PCDHA8: variants seen among roughly 807,000 people sequenced by gnomAD.
The protein encoded by PCDHA8 is protocadherin alpha-8.
PCDHA8 carries 53 observed loss-of-function variants against 61.8 expected under a neutral mutation model. That is an observed-to-expected ratio of 0.86 (90% confidence interval 0.69 to 1.08). PCDHA8 has a LOEUF of 1.08. Among genes scored for constraint, PCDHA8 ranks in the 50% least tolerant of loss-of-function variants. The pLI is 0.00. For missense variants in PCDHA8, 1,293 were observed against 1,245.0 expected, an observed-to-expected ratio of 1.04 and a Z score of -0.58; for synonymous variants, 618 against 556.6, an observed-to-expected ratio of 1.11 and a Z score of -1.55.
rs182063339 is a variant in PCDHA8 at position 140,937,439 on chromosome 5, T to C, written c.2395-41510T>C. Among the ~76,000 whole-genome samples, 830 of 152,312 alleles carry C rather than the reference T, an allele frequency of 5.4e-3. 3 individuals are homozygous for C. The highest frequency in any genetic ancestry group is 0.019 in the African/African-American group (799 of 41,586). Reference sequence around the variant, plus strand: ...TAGATAGCTGATATTTTAATGCTATTTTAAAAGTTTAATTTTATAATACAA... The same window carrying C: ...TAGATAGCTGATATTTTAATGCTATCTTAAAAGTTTAATTTTATAATACAA... On this transcript the variant is annotated intron_variant, in intron 1 of 3. Coordinates refer to ENST00000531613, the MANE Select transcript of PCDHA8 (RefSeq NM_018911.3).
chr5:140,943,804 G>C (rs996208541), intron 1 of PCDHA8, among the ~76,000 whole-genome samples: 2 of 152,224 alleles, frequency 1.3e-5, no homozygotes, highest in Non-Finnish European at 2.9e-5. Flanking sequence ...AGCAAAAGAG[G>C]AAAGTTTGAA....
rs2150463409 is a variant in PCDHA8 at position 140,850,016 on chromosome 5, C to G, written c.2394+6301C>G. On this transcript the variant is annotated intron_variant, in intron 1 of 3. Transcript: ENST00000531613. ...TGGGCGAGCGCTCGCTGTCGAGCTA[C>G]GTGTCAGTGCACGCGGAGAGCGGCA... The G allele has an allele frequency of 2.5e-5, 40 of 1,596,912 alleles. 3 individuals are homozygous for G. The South Asian group carries it at 4.1e-4, about 16-fold the overall frequency.
intron 1 of PCDHA8, among the ~76,000 whole-genome samples, chr5:140,938,848 G>T (rs1554212426): frequency 6.6e-6 from 1 of 151,980 alleles, no homozygotes; most frequent in Non-Finnish European, 1.5e-5. Flanking sequence ...ACCTGCCCAT[G>T]TACCCCTGAA....
chr5:140,883,557 G>C, intron 1 of PCDHA8: 1 of 1,614,214 alleles, frequency 6.2e-7, no homozygotes, highest in Non-Finnish European at 8.5e-7. Flanking sequence ...GCGCGGGACG[G>C]GGGCTCGCCT....
chr5:140,932,991 C>T (rs2088784414), intron 1 of PCDHA8, among the ~76,000 whole-genome samples: 1 of 151,940 alleles, frequency 6.6e-6, no homozygotes, highest in African/African-American at 2.4e-5. Context: ...AAATGCATGT[C>T]ATATGAATAT....
chr5:140,895,857 G>C (rs1181424868), intron 1 of PCDHA8, among the ~76,000 whole-genome samples: 1 of 152,116 alleles, frequency 6.6e-6, no homozygotes, highest in Admixed American at 6.5e-5. Flanking sequence ...TGTACCCCAG[G>C]CTGGAGTGCA....
chr5:140,924,909 AATAAAAT>A (rs1563069072), intron 1 of PCDHA8, among the ~76,000 whole-genome samples: 5 of 66,374 alleles, frequency 7.5e-5, no homozygotes, highest in African/African-American at 2.5e-4. Context: ...AAAAAAATAA[AATAAAAT>A]AAAATAAAAT....
At chr5:140,860,689 G>A (rs1478164991) in intron 1 of PCDHA8, 3 of 152,174 alleles carry the variant, frequency 2.0e-5, no homozygotes, top group African/African-American at 7.2e-5. Flanking sequence ...TGTTTTGAGC[G>A]ACAGGATATT....
At chr5:140,871,438 C>G (rs1246532449) in intron 1 of PCDHA8, 3 of 1,611,836 alleles carry the variant, frequency 1.9e-6, no homozygotes, top group Middle Eastern at 1.7e-4. Flanking sequence ...TCCTCTAGGT[C>G]TGAATAAAGA....
rs1778125962 is a variant in PCDHA8, at chr5:140,842,600, G to C, written c.1279G>C (p.Ala427Pro). The C allele has an allele frequency of 6.5e-7, 1 of 1,543,982 alleles. No individual in the cohort carries two copies. ...RVSAYELVVT[A>P]RDGGSPSLWA... Reference sequence around the variant, plus strand: ...GTCGGCCTATGAGTTGGTGGTAACCGCGCGGGACGGGGGCTCGCCTTCGCT... The same window carrying C: ...GTCGGCCTATGAGTTGGTGGTAACCCCGCGGGACGGGGGCTCGCCTTCGCT... The change falls in exon 1 of 4, where the codon GCG becomes CCG. Residue 427 changes from alanine (A) to proline (P), a missense_variant. Transcript: ENST00000531613.
chr5:140,861,339 C>A lies in PCDHA8; in HGVS notation c.2394+17624C>A. ...TTCCACTACACCATCCTGGAAGAGG[C>A]CAAGGACGGCACATAGCGTCTTCGC... On this transcript the variant is annotated intron_variant, in intron 1 of 3. Transcript: ENST00000531613. 4 of 274,788 alleles carry A rather than the reference C, an allele frequency of 1.5e-5. No homozygotes were observed. The South Asian group carries it at 1.7e-4, about 12-fold the overall frequency. The allele number at this position is 274,788 out of a possible 1,614,324, so 17.0% of individuals were successfully genotyped here.
At position 140,850,257 on chromosome 5, in the gene PCDHA8, G is replaced by A. The variant is rs1371110095; in HGVS notation, c.2394+6542G>A. ...GATGGTGCTGCGGTCGGTGGGCGCC[G>A]GCGTAGTGGTGGGGAAGGTGCGCGC... On this transcript the variant is annotated intron_variant, in intron 1 of 3. Coordinates refer to ENST00000531613, the MANE Select transcript of PCDHA8 (RefSeq NM_018911.3). The A allele has an allele frequency of 6.3e-6, 10 of 1,594,146 alleles. 2 individuals are homozygous for A. Among genetic ancestry groups the A allele is most frequent in the African/African-American group, 1.3e-5 (1 of 74,268 alleles).
Position 140,842,856 on chromosome 5 carries a change from C to T in PCDHA8, c.1535C>T (p.Thr512Met), listed in dbSNP as rs782295377. The T allele has an allele frequency of 6.3e-7, 1 of 1,593,922 alleles. No individual in the cohort carries two copies. Among genetic ancestry groups the T allele is most frequent in the African/African-American group, 1.3e-5 (1 of 74,360 alleles). ...RSLSSYISVH[T>M]ESGKVYALQP... is the part of the protein sequence containing the mutation. ...CTGTCGAGCTACATTTCGGTGCACA[C>T]GGAGAGCGGCAAGGTGTACGCGCTG... The change falls in exon 1 of 4, where the codon ACG becomes ATG. Residue 512 changes from threonine to methionine, a missense_variant. By Grantham distance (81) the Thr-to-Met change is moderately conservative (BLOSUM62 -1). Transcript: ENST00000531613.
At chr5:140,911,283 A>G (rs906069835) in intron 1 of PCDHA8, among the ~76,000 whole-genome samples, 1 of 152,278 alleles carries the variant, frequency 6.6e-6, no homozygotes, top group Non-Finnish European at 1.5e-5. Context: ...CAGCTTCATC[A>G]GGGTCCTTTT....
At chr5:141,008,211 G>A (rs1032443788) in intron 3 of PCDHA8, among the ~76,000 whole-genome samples, 6 of 152,168 alleles carry the variant, frequency 3.9e-5, no homozygotes, top group Admixed American at 2.0e-4. Context: ...AACTTGACAT[G>A]AGTTATGTTA....
At chr5:140,884,679 A>C (rs782535862) in intron 1 of PCDHA8, 12 of 1,551,914 alleles carry the variant, frequency 7.7e-6, no homozygotes, top group Non-Finnish European at 8.7e-6. Context: ...TTATATTTTA[A>C]AAAATTGTCT....
intron 3 of PCDHA8, among the ~76,000 whole-genome samples, chr5:141,000,417 A>T (rs1334137638): frequency 1.8e-3 from 141 of 77,654 alleles, no homozygotes; most frequent in African/African-American, 4.6e-3. Context: ...ATATATATAT[A>T]TATATTTTTT....
intron 1 of PCDHA8, chr5:140,928,747 C>G (rs781895762): frequency 6.2e-7 from 1 of 1,614,132 alleles, no homozygotes; most frequent in Non-Finnish European, 8.5e-7. Context: ...AGGTGAGCTC[C>G]GTACTGCTCG....
chr5:140,870,078 G>A, intron 1 of PCDHA8: 1 of 1,613,838 alleles, frequency 6.2e-7, no homozygotes, highest in South Asian at 1.1e-5. Flanking sequence ...CAGATAAGGG[G>A]ACTCCCCCAA....
Sources: gnomAD v4.1 joint callset for allele counts (sites outside exome capture counted in the v4.1 genomes callset) on GRCh38, gnomAD v4.1.1 for gene constraint, MANE v1.5 for transcripts, NCBI Gene and HGNC (gene_info 2026-07-23, HGNC 2026-07-21) for gene names.